DUSP10: variants seen among roughly 807,000 people sequenced by gnomAD.
The protein encoded by DUSP10 is dual specificity protein phosphatase 10.
DUSP10 carries 14 observed loss-of-function variants against 30.8 expected under a neutral mutation model. That is an observed-to-expected ratio of 0.46 (90% CI 0.30 to 0.71). The LOEUF is 0.71. DUSP10 is among the 30% of genes least tolerant of loss of function. The pLI is 0.08. For missense variants in DUSP10, 550 were observed against 619.4 expected (o/e 0.89, Z 1.19); for synonymous variants, 254 against 250.4 (o/e 1.01, Z -0.14).
chr1:221,732,829 C>T (rs368822548), intron 2 of DUSP10, among the ~76,000 whole-genome samples: 4 of 152,168 alleles, frequency 2.6e-5, no homozygotes, highest in African/African-American at 7.2e-5. Flanking sequence ...TCTGGACACA[C>T]GAACTGGGCA....
intron 2 of DUSP10, among the ~76,000 whole-genome samples, chr1:221,734,217 C>T (rs1661698996): frequency 1.3e-5 from 2 of 152,202 alleles, no homozygotes; most frequent in African/African-American, 4.8e-5. Context: ...TGTTATGGGA[C>T]ATTATTTGGA....
At chr1:221,723,720 G>A (rs564242899) in intron 2 of DUSP10, among the ~76,000 whole-genome samples, 1 of 152,328 alleles carries the variant, frequency 6.6e-6, no homozygotes, top group East Asian at 1.9e-4. Context: ...ATATCTGGGA[G>A]GGTCCTGCAT....
chr1:221,710,166 G>C (rs953977726), intron 2 of DUSP10, among the ~76,000 whole-genome samples: 3 of 152,150 alleles, frequency 2.0e-5, no homozygotes, highest in Admixed American at 1.3e-4. Flanking sequence ...CCAGGTATTC[G>C]ATAAATAATG....
At chr1:221,724,573 C>T (rs567582571) in intron 2 of DUSP10, among the ~76,000 whole-genome samples, 20 of 152,258 alleles carry the variant, frequency 1.3e-4, no homozygotes, top group Admixed American at 3.3e-4. Context: ...TCAATGGCCA[C>T]GTTTGGCTTG....
Position 221,701,553 on chromosome 1 carries a change from C to A in DUSP10, c.*859G>T, listed in dbSNP as rs1339666139. On this transcript the variant is annotated 3_prime_UTR_variant, in exon 4 of 4. Transcript: ENST00000366899. ...CTTACATTCTGATATACATATGTAA[C>A]AAGGTTTATGGCACTGTAACCAGAA... 58 of 74,922 alleles carry A rather than the reference C, an allele frequency of 7.7e-4. No homozygotes were observed. Among genetic ancestry groups the A allele is most frequent in the South Asian group, 1.4e-3 (4 of 2,798 alleles). 4.6% of individuals were successfully genotyped at this position (74,922 alleles called of 1,614,324 possible). A position where few individuals can be genotyped will look rare whatever the true frequency, so the allele number is the denominator to read the frequency against.
In DUSP10 at chr1:221,702,183, A is replaced by C. The variant is rs1660624946; in HGVS notation, c.*229T>G. 1.9e-6 allele frequency: 1 copy of C among 513,938 alleles called. No homozygotes were observed. Among genetic ancestry groups the C allele is most frequent in the African/African-American group, 1.9e-5 (1 of 51,868 alleles). The allele number at this position is 513,938 out of a possible 1,614,324, so 31.8% of individuals were successfully genotyped here. On this transcript the variant is annotated 3_prime_UTR_variant, in exon 4 of 4. Transcript: ENST00000366899. The surrounding 1 kb of genome is among the most constrained non-coding windows in gnomAD (Gnocchi z 4.5). Reference sequence around the variant, plus strand: ...TTTTTATTGTTGGCTTAAAAAAATTACTTCTTTAACCTCCTTAATTTGTCA... The same window carrying C: ...TTTTTATTGTTGGCTTAAAAAAATTCCTTCTTTAACCTCCTTAATTTGTCA...
intron 2 of DUSP10, among the ~76,000 whole-genome samples, chr1:221,732,277 G>A (rs1480075168): frequency 1.3e-5 from 2 of 152,200 alleles, no homozygotes; most frequent in Non-Finnish European, 2.9e-5. Context: ...AGATGGTTGG[G>A]CTTCTTTGAT....
At chr1:221,714,020 A>G (rs1661020429) in intron 2 of DUSP10, among the ~76,000 whole-genome samples, 2 of 152,224 alleles carry the variant, frequency 1.3e-5, no homozygotes, top group South Asian at 4.1e-4. Flanking sequence ...GTTCATTTTT[A>G]TTTAGTTCAT....
chr1:221,730,732 C>T (rs1338431486), intron 2 of DUSP10, among the ~76,000 whole-genome samples: 8 of 152,076 alleles, frequency 5.3e-5, no homozygotes, highest in Non-Finnish European at 4.4e-5. Context: ...AACATACGCT[C>T]AAAGTTTCTT....
chr1:221,707,167 C>T (rs981033959), intron 2 of DUSP10, among the ~76,000 whole-genome samples: 11 of 152,194 alleles, frequency 7.2e-5, no homozygotes, highest in African/African-American at 2.7e-4. Flanking sequence ...CATCTCCTGG[C>T]ACACAGTAGA....
At chr1:221,727,176 C>T (rs777005840) in intron 2 of DUSP10, among the ~76,000 whole-genome samples, 52 of 152,242 alleles carry the variant, frequency 3.4e-4, no homozygotes, top group African/African-American at 1.2e-3. Context: ...ATACTCCCTT[C>T]GCAAGAAAAT....
rs763073068 is a variant in DUSP10 at position 221,739,540 on chromosome 1, G to T, written c.205C>A (p.Arg69Ser). The stretch of plus-strand genomic sequence containing the variant: ...CTGCTGCATCCACAATTCAGCGAGC[G>T]GGCAGAGCCGCTGGATGAGGGCATA... ...TYMPSSSGSARSLNCGCSSAS... is the reference protein window; with the variant it reads ...TYMPSSSGSASSLNCGCSSAS... The change falls in exon 2 of 4, where the codon CGC becomes AGC. Residue 69 changes from arginine (R) to serine (S), a missense_variant. Arg to Ser is a moderately radical substitution (Grantham distance 110). Coordinates refer to ENST00000366899, the MANE Select transcript of DUSP10 (RefSeq NM_007207.6). The T allele has an allele frequency of 6.2e-7, 1 of 1,614,166 alleles. No individual in the cohort carries two copies. The highest frequency in any genetic ancestry group is 1.1e-5 in the South Asian group (1 of 91,086).
intron 2 of DUSP10, among the ~76,000 whole-genome samples, chr1:221,718,960 G>T (rs1661198720): frequency 6.6e-6 from 1 of 152,250 alleles, no homozygotes; most frequent in South Asian, 2.1e-4. Context: ...GTGGGGGAAA[G>T]CAGTAAGCAA....
intron 2 of DUSP10, among the ~76,000 whole-genome samples, chr1:221,715,277 G>T (rs1661063982): frequency 6.6e-6 from 1 of 152,168 alleles, no homozygotes; most frequent in Non-Finnish European, 1.5e-5. Flanking sequence ...TTAATTGGAG[G>T]CCTTCCAAGA....
chr1:221,738,059 C>T (rs1571834597), intron 2 of DUSP10, among the ~76,000 whole-genome samples: 1 of 152,106 alleles, frequency 6.6e-6, no homozygotes, highest in Admixed American at 6.5e-5. Context: ...TATCTGAGGG[C>T]AAAGAGGTGC....
rs2280339 is a variant in DUSP10, at chr1:221,702,880, C to T, written c.1184-203G>A. On this transcript the variant is annotated intron_variant, in intron 3 of 3. Transcript: ENST00000366899. This position sits in a 1 kb window ranked among gnomAD's most constrained non-coding sequence, Gnocchi z 4.5. ...GAACTGGCTAAAGTTGATATCAGCACGAACAAGAAGCTATACATCTACATT... is the reference window on the plus strand; with the variant it reads ...GAACTGGCTAAAGTTGATATCAGCATGAACAAGAAGCTATACATCTACATT... Among the ~76,000 whole-genome samples, 51,328 of 152,008 alleles carry T rather than the reference C, an allele frequency of 0.34. 9,381 individuals carry two copies. Among genetic ancestry groups the T allele is most frequent in the East Asian group, 0.43 (2,224 of 5,178 alleles).
At chr1:221,716,999 C>T (rs760328749) in intron 2 of DUSP10, among the ~76,000 whole-genome samples, 2 of 152,166 alleles carry the variant, frequency 1.3e-5, no homozygotes, top group African/African-American at 2.4e-5. Flanking sequence ...CTTCCCTGCC[C>T]CTCCCCACTC....
At chr1:221,729,353 A>G (rs1262380831) in intron 2 of DUSP10, among the ~76,000 whole-genome samples, 1 of 152,220 alleles carries the variant, frequency 6.6e-6, no homozygotes, top group African/African-American at 2.4e-5. Context: ...ATGGCATTAT[A>G]ACTAAGGCAC....
At chr1:221,704,245 G>T (rs1415076766) in intron 3 of DUSP10, among the ~76,000 whole-genome samples, 1 of 150,874 alleles carries the variant, frequency 6.6e-6, no homozygotes, top group Non-Finnish European at 1.5e-5. Flanking sequence ...AAATAAAATT[G>T]TGCCTATGCA....
Sources: allele counts gnomAD v4.1 joint callset (sites outside exome capture counted in the v4.1 genomes callset), GRCh38; gene constraint gnomAD v4.1.1; non-coding constraint Gnocchi (gnomAD v3.1); transcripts MANE v1.5; gene names NCBI Gene and HGNC (gene_info 2026-07-23, HGNC 2026-07-21).